CAND1: variants seen among roughly 807,000 people sequenced by gnomAD.
The protein encoded by CAND1 is cullin-associated NEDD8-dissociated protein 1.
In CAND1, 7 loss-of-function variants were observed where a neutral mutation model predicts 108.5. That is an observed-to-expected ratio of 0.06 (90% CI 0.04 to 0.12). The LOEUF (loss-of-function observed/expected upper bound fraction) is 0.12. Among genes scored for constraint, CAND1 ranks in the 10% least tolerant of loss-of-function variants. The pLI, the probability that CAND1 is intolerant of heterozygous loss-of-function variation, is 1.00. For synonymous variants in CAND1, 534 were observed against 512.0 expected, an observed-to-expected ratio of 1.04 and a Z score of -0.58; for missense variants, 941 against 1,448.7, an observed-to-expected ratio of 0.65 and a Z score of 5.69.
At chr12:67,285,377 A>G (rs2044660907) in intron 2 of CAND1, among the ~76,000 whole-genome samples, 1 of 152,206 alleles carries the variant, frequency 6.6e-6, no homozygotes, top group Non-Finnish European at 1.5e-5. Flanking sequence ...TGCTAAACTA[A>G]TTATAAAAAT....
At chr12:67,300,342 ATGC>A (rs1411604571) in intron 7 of CAND1, among the ~76,000 whole-genome samples, 1 of 152,128 alleles carries the variant, frequency 6.6e-6, no homozygotes, top group East Asian at 1.9e-4. Flanking sequence ...TAATATCAAT[ATGC>A]TGGCAACCCA....
At chr12:67,309,637 C>T (rs1565730240) in intron 11 of CAND1, among the ~76,000 whole-genome samples, 2 of 151,928 alleles carry the variant, frequency 1.3e-5, no homozygotes, top group African/African-American at 4.8e-5. Flanking sequence ...ACTTTATGGA[C>T]TCTTCTTCCA....
In CAND1 at chr12:67,312,661, C is replaced by T; in HGVS notation, c.3524C>T (p.Ser1175Phe). Residue 1175 changes from serine (S) to phenylalanine (F), a missense_variant, in exon 15 of 15, where the codon TCT becomes TTT. Physicochemically the swap from Ser to Phe is radical, Grantham distance 155. Coordinates refer to ENST00000545606, the MANE Select transcript of CAND1 (RefSeq NM_018448.5). ...EFEKQDELKR[S>F]AMRAVAALLT... ...GAAAAACAAGATGAATTAAAGCGAT[C>T]TGCCATGAGAGCAGTAGCAGCACTG... The T allele has an allele frequency of 6.2e-7, 1 of 1,612,714 alleles. No homozygotes were observed. Among genetic ancestry groups the T allele is most frequent in the Non-Finnish European group, 8.5e-7 (1 of 1,179,488 alleles).
rs2044865436 is a variant in CAND1 at position 67,305,118 on chromosome 12, C to G, written c.1450C>G (p.Leu484Val). The change falls in exon 10 of 15, where the codon CTG becomes GTG. Residue 484 changes from leucine (L) to valine (V), a missense_variant. This residue lies in a region of CAND1 where 697 missense variants were observed against 942.0 expected (regional missense o/e 0.74). Transcript: ENST00000545606. This position sits in a 1 kb window ranked among gnomAD's most constrained non-coding sequence, Gnocchi z 4.4. Reference protein sequence around the residue: ...PVLVPGIIFSLNDKSSSSNLK... With the variant: ...PVLVPGIIFSVNDKSSSSNLK... ...TGGCTTTTTAGGAATCATTTTCTCA[C>G]TGAATGATAAATCAAGCTCATCGAA... is the stretch of plus-strand genomic sequence containing the variant. 1 of 1,608,244 alleles carries G rather than the reference C, an allele frequency of 6.2e-7. No individual in the cohort carries two copies. The highest frequency in any genetic ancestry group is 8.5e-7 in the Non-Finnish European group (1 of 1,176,920).
intron 2 of CAND1, among the ~76,000 whole-genome samples, chr12:67,284,721 CACACAA>C (rs1373138252): frequency 6.6e-6 from 1 of 151,890 alleles, no homozygotes; most frequent in East Asian, 1.9e-4. Flanking sequence ...CACACACACA[CACACAA>C]ACTTTCTTCA....
chr12:67,298,325 G>A (rs2136010510), intron 6 of CAND1, among the ~76,000 whole-genome samples: 1 of 152,116 alleles, frequency 6.6e-6, no homozygotes, highest in African/African-American at 2.4e-5. Context: ...GGCAATACAA[G>A]ATAAGTAACA....
Position 67,307,473 on chromosome 12 carries a change from A to G in CAND1, c.3006A>G (p.Pro1002=), listed in dbSNP as rs2044900057. 1.9e-6 allele frequency: 3 copies of G among 1,608,194 alleles called. No homozygotes were observed. The highest frequency in any genetic ancestry group is 2.6e-6 in the Non-Finnish European group (3 of 1,176,238). ...CTGACCATCCACAACCTATTGATCC[A>G]CTGTTAAAGAACTGCATAGGTAAGT... is the stretch of plus-strand genomic sequence containing the variant. ...TISDHPQPID[P]LLKNCIGDFL... Residue 1002 remains proline, a synonymous_variant, in exon 11 of 15, where the codon CCA becomes CCG. Transcript: ENST00000545606.
intron 9 of CAND1, 117 bp downstream of exon 9, chr12:67,304,863 AT>A: frequency 8.2e-7 from 1 of 1,223,100 alleles, no homozygotes; most frequent in East Asian, 2.5e-5. Context: ...TAATATGCAC[AT>A]AGAGCTAACT....
At position 67,312,764 on chromosome 12, in the gene CAND1, G is replaced by A. The variant is rs61729340; in HGVS notation, c.3627G>A (p.Ala1209=). The change falls in exon 15 of 15, where the codon GCG becomes GCA. Residue 1209 remains alanine, a synonymous_variant. Coordinates refer to ENST00000545606, the MANE Select transcript of CAND1 (RefSeq NM_018448.5). ...AGATCAGTTCTAACCCTGAGCTGGC[G>A]GCTATCTTTGAAAGTATCCAGAAAG... ...QSQISSNPEL[A]AIFESIQKDS... 6.3e-4 allele frequency: 1,024 copies of A among 1,613,638 alleles called. 8 individuals carry two copies. In the African/African-American group the frequency reaches 9.8e-3, roughly 15 times the overall value.
chr12:67,287,206 C>A (rs966555331), intron 2 of CAND1, among the ~76,000 whole-genome samples: 2 of 152,156 alleles, frequency 1.3e-5, no homozygotes, highest in Admixed American at 6.5e-5. Flanking sequence ...TCAGAAATGT[C>A]TCTTGGAGAG....
Position 67,315,339 on chromosome 12 carries a change from A to G in CAND1, c.*2509A>G, listed in dbSNP as rs2044997373. ...CGTGGTGGCAGACGCCTGTAGTCCT[A>G]GCTGCTACAGCTGAGGCAGGAGAAT... On this transcript the variant is annotated 3_prime_UTR_variant, in exon 15 of 15. Transcript: ENST00000545606. 6.6e-6 allele frequency: 1 copy of G among 151,834 alleles called. No homozygotes were observed. Among genetic ancestry groups the G allele is most frequent in the Admixed American group, 6.6e-5 (1 of 15,208 alleles). 9.4% of individuals were successfully genotyped at this position (151,834 alleles called of 1,614,324 possible).
Position 67,304,762 on chromosome 12 carries a change from A to T in CAND1, c.1435+16A>T. On this transcript the variant is annotated intron_variant, in intron 9 of 14. Coordinates refer to ENST00000545606, the MANE Select transcript of CAND1 (RefSeq NM_018448.5). Reference sequence around the variant, plus strand: ...CTTGTACCAGGTATGAAAGAAACATAAATCTCTTTTGGGACTTATTGTAGC... The same window carrying T: ...CTTGTACCAGGTATGAAAGAAACATTAATCTCTTTTGGGACTTATTGTAGC... 1 of 1,610,918 alleles carries T rather than the reference A, an allele frequency of 6.2e-7. No individual in the cohort carries two copies. Among genetic ancestry groups the T allele is most frequent in the Non-Finnish European group, 8.5e-7 (1 of 1,179,172 alleles).
intron 7 of CAND1, among the ~76,000 whole-genome samples, chr12:67,300,909 C>G (rs535539343): frequency 6.6e-6 from 1 of 152,220 alleles, no homozygotes; most frequent in South Asian, 2.1e-4. Context: ...GTATAACAAA[C>G]TAGGTACTTC....
At chr12:67,291,717 C>G (rs1264711534) in intron 2 of CAND1, among the ~76,000 whole-genome samples, 2 of 152,144 alleles carry the variant, frequency 1.3e-5, no homozygotes, top group Non-Finnish European at 2.9e-5. Flanking sequence ...AAAGCTTTGA[C>G]TGACCAGCAC....
At chr12:67,307,341 G>T in intron 10 of CAND1, 56 bp from the exon 11 acceptor site, 1 of 1,221,848 alleles carries the variant, frequency 8.2e-7, no homozygotes, top group Non-Finnish European at 1.2e-6. Context: ...TAAAAATGAT[G>T]TCCGTGAGTT....
At position 67,317,746 on chromosome 12, in the gene CAND1, G is replaced by A. The variant is rs570217015; in HGVS notation, c.*4916G>A. The A allele has an allele frequency of 2.0e-5, 3 of 152,650 alleles. No homozygotes were observed. In the East Asian group the frequency reaches 5.8e-4, roughly 29 times the overall value. The allele number at this position is 152,650 out of a possible 1,614,324, so 9.5% of individuals were successfully genotyped here. ...GATACACCCGCCTCGGCCTCCCAAA[G>A]TGCTGGGATTACAGGCGTGAGCCAC... On this transcript the variant is annotated 3_prime_UTR_variant, in exon 15 of 15. Transcript: ENST00000545606.
At chr12:67,293,412 A>G (rs1377320882) in intron 3 of CAND1, among the ~76,000 whole-genome samples, 1 of 152,234 alleles carries the variant, frequency 6.6e-6, no homozygotes, top group African/African-American at 2.4e-5. Context: ...CTCATCTGCA[A>G]AAGGTGAGAT....
intron 10 of CAND1, among the ~76,000 whole-genome samples, chr12:67,307,091 A>T (rs566518817): frequency 6.6e-6 from 1 of 152,256 alleles, no homozygotes; most frequent in East Asian, 1.9e-4. Flanking sequence ...AAAAATTTGA[A>T]GATTTTTAAG....
At position 67,281,892 on chromosome 12, in the gene CAND1, A is replaced by G; in HGVS notation, c.69-18A>G. 1.9e-6 allele frequency: 3 copies of G among 1,546,282 alleles called. No individual in the cohort carries two copies. The highest frequency in any genetic ancestry group is 1.2e-5 in the South Asian group (1 of 81,756). On this transcript the variant is annotated intron_variant, in intron 1 of 14. Coordinates refer to ENST00000545606, the MANE Select transcript of CAND1 (RefSeq NM_018448.5). Reference sequence around the variant, plus strand: ...TGCTTTAAAATTTTCAAATTAACAAATTTTATTTTTTTGATAGGTTTATGG... The same window carrying G: ...TGCTTTAAAATTTTCAAATTAACAAGTTTTATTTTTTTGATAGGTTTATGG...
Sources: gnomAD v4.1 joint callset for allele counts (sites outside exome capture counted in the v4.1 genomes callset) on GRCh38, gnomAD v4.1.1 for gene constraint, gnomAD v4.1.1 regional missense constraint, Gnocchi (gnomAD v3.1) non-coding constraint, MANE v1.5 for transcripts, NCBI Gene and HGNC (gene_info 2026-07-23, HGNC 2026-07-21) for gene names.